CSMD3: variants seen among roughly 807,000 people sequenced by gnomAD.
CSMD3 encodes the protein CUB and sushi domain-containing protein 3.
In CSMD3, 177 loss-of-function variants were observed where a neutral mutation model predicts 435.2. That is an observed-to-expected ratio of 0.41 (90% CI 0.36 to 0.46). The LOEUF (loss-of-function observed/expected upper bound fraction) is 0.46. Ranked by LOEUF, CSMD3 falls within the 20% of genes least tolerant of loss-of-function variation. CSMD3 has a pLI of 0.34. For synonymous variants in CSMD3, 1,656 were observed against 1,520.5 expected, an observed-to-expected ratio of 1.09 and a Z score of -2.07; for missense variants, 4,265 against 4,504.6, an observed-to-expected ratio of 0.95 and a Z score of 1.52.
chr8:112,942,407 G>A (rs1370409310), intron 9 of CSMD3, among the ~76,000 whole-genome samples: 1 of 151,700 alleles, frequency 6.6e-6, no homozygotes, highest in East Asian at 1.9e-4. Flanking sequence ...AAAGGCACAT[G>A]CACAGGTATG....
intron 32 of CSMD3, among the ~76,000 whole-genome samples, chr8:112,438,991 A>G (rs2130479834): frequency 6.6e-6 from 1 of 152,262 alleles, no homozygotes; most frequent in East Asian, 1.9e-4. Context: ...TAATTTTACA[A>G]GCTGTTGAAC....
At chr8:112,272,130 C>T (rs1817582994) in intron 59 of CSMD3, among the ~76,000 whole-genome samples, 1 of 152,296 alleles carries the variant, frequency 6.6e-6, no homozygotes, top group Admixed American at 6.5e-5. Flanking sequence ...GATCTGCTAG[C>T]ACCTTGATCT....
chr8:112,617,488 A>C (rs1428335359), intron 22 of CSMD3, among the ~76,000 whole-genome samples: 1 of 152,146 alleles, frequency 6.6e-6, no homozygotes, highest in East Asian at 1.9e-4. Context: ...AAAAATATTC[A>C]AGCACATTAG....
At chr8:112,699,343 A>G (rs985161609) in intron 13 of CSMD3, among the ~76,000 whole-genome samples, 1 of 152,138 alleles carries the variant, frequency 6.6e-6, no homozygotes, top group African/African-American at 2.4e-5. Flanking sequence ...CACCATCTTT[A>G]AGATCTGTAA....
chr8:113,002,805 C>T (rs1294217622), intron 6 of CSMD3, among the ~76,000 whole-genome samples: 1 of 152,064 alleles, frequency 6.6e-6, no homozygotes, highest in Admixed American at 6.6e-5. Flanking sequence ...TTTTTATCAC[C>T]TGATATCTAA....
At chr8:112,961,904 T>A (rs1417380879) in intron 7 of CSMD3, among the ~76,000 whole-genome samples, 2 of 151,916 alleles carry the variant, frequency 1.3e-5, no homozygotes, top group Non-Finnish European at 2.9e-5. Flanking sequence ...TGCTGTAAAA[T>A]GTCAGGATTA....
At chr8:112,878,105 G>T (rs532818469) in intron 10 of CSMD3, among the ~76,000 whole-genome samples, 2 of 152,220 alleles carry the variant, frequency 1.3e-5, no homozygotes, top group South Asian at 2.1e-4. Context: ...CACAGCAAAA[G>T]AAACTATCAT....
In CSMD3 at chr8:112,943,997, T is replaced by C. The variant is rs1299161044; in HGVS notation, c.1508+3793A>G. On this transcript the variant is annotated intron_variant, in intron 9 of 70. Coordinates refer to ENST00000297405, the MANE Select transcript of CSMD3 (RefSeq NM_198123.2). The stretch of plus-strand genomic sequence containing the variant: ...TTGTAGCTAGGAAGCTCAGTAATGC[T>C]AGGTAGAAATTATAAAACCAAGCAG... 2.0e-5 allele frequency among the ~76,000 whole-genome samples: 3 copies of C among 151,702 alleles called. No individual in the cohort carries two copies. In the Admixed American group the frequency reaches 2.0e-4, roughly 10 times the overall value.
At chr8:112,958,343 T>A (rs968812733) in intron 7 of CSMD3, among the ~76,000 whole-genome samples, 3 of 152,222 alleles carry the variant, frequency 2.0e-5, no homozygotes, top group Admixed American at 2.0e-4. Context: ...TCAGTTTGAC[T>A]GTTTTTTTGT....
At chr8:112,641,884 C>A (rs1200461360) in intron 20 of CSMD3, among the ~76,000 whole-genome samples, 2 of 151,872 alleles carry the variant, frequency 1.3e-5, no homozygotes, top group Non-Finnish European at 2.9e-5. Flanking sequence ...CCTCCTAAAT[C>A]AAAAAGGCAA....
At chr8:112,958,091 G>A (rs2084096290) in intron 7 of CSMD3, among the ~76,000 whole-genome samples, 1 of 150,874 alleles carries the variant, frequency 6.6e-6, no homozygotes, top group Non-Finnish European at 1.5e-5. Context: ...GTATTTTGTT[G>A]GGAGAATTCC....
In CSMD3 at chr8:112,291,592, A is replaced by G; in HGVS notation, c.8892T>C (p.Asn2964=). Residue 2964 remains asparagine (N), a synonymous_variant, in exon 56 of 71, where the codon AAT becomes AAC. Coordinates refer to ENST00000297405, the MANE Select transcript of CSMD3 (RefSeq NM_198123.2). ...AAGATCCAAATAAAAAATATCCAGG[A>G]TTGCAGTCATAGAATACCACAGTGC... ...TYGTVVFYDC[N]PGYFLFGSSV... 1 of 1,611,130 alleles carries G rather than the reference A, an allele frequency of 6.2e-7. No homozygotes were observed. Among genetic ancestry groups the G allele is most frequent in the Non-Finnish European group, 8.5e-7 (1 of 1,177,658 alleles).
At chr8:113,435,598 C>A (rs1031920806) in intron 1 of CSMD3, among the ~76,000 whole-genome samples, 4 of 151,752 alleles carry the variant, frequency 2.6e-5, no homozygotes, top group East Asian at 2.0e-4. Context: ...AAAACAGCAC[C>A]CCCTTTCCCG....
chr8:113,308,236 A>C (rs2093837345), intron 2 of CSMD3, among the ~76,000 whole-genome samples: 1 of 143,626 alleles, frequency 7.0e-6, no homozygotes, highest in South Asian at 2.3e-4. Flanking sequence ...AGTTCTATAA[A>C]TATCCAGTAA....
chr8:113,088,693 C>T (rs1428918455), intron 5 of CSMD3, among the ~76,000 whole-genome samples: 2 of 126,324 alleles, frequency 1.6e-5, no homozygotes, highest in South Asian at 2.6e-4. Context: ...GGGAACATCA[C>T]ACTCTGGGGA....
chr8:112,502,212 G>A (rs1052476428), intron 30 of CSMD3, among the ~76,000 whole-genome samples: 24 of 152,056 alleles, frequency 1.6e-4, no homozygotes, highest in African/African-American at 5.1e-4. Flanking sequence ...AAAGAGTTTC[G>A]AACCCATATT....
intron 12 of CSMD3, among the ~76,000 whole-genome samples, chr8:112,807,354 T>TA (rs1335162743): frequency 6.6e-6 from 1 of 152,172 alleles, no homozygotes; most frequent in African/African-American, 2.4e-5. Context: ...GTACTTGGGA[T>TA]AAAAATGGCC....
chr8:112,273,623 G>A (rs1817736086), intron 59 of CSMD3, among the ~76,000 whole-genome samples: 1 of 151,866 alleles, frequency 6.6e-6, no homozygotes, highest in Non-Finnish European at 1.5e-5. Context: ...CTACTTGGGA[G>A]GCTGAGGCAG....
intron 10 of CSMD3, among the ~76,000 whole-genome samples, chr8:112,886,101 G>A (rs935081690): frequency 6.6e-6 from 1 of 151,226 alleles, no homozygotes; most frequent in Non-Finnish European, 1.5e-5. Context: ...AGGATTCTGT[G>A]GTTTTACTTG....
Sources: allele counts gnomAD v4.1 joint callset (sites outside exome capture counted in the v4.1 genomes callset), GRCh38; gene constraint gnomAD v4.1.1; transcripts MANE v1.5; gene names NCBI Gene and HGNC (gene_info 2026-07-23, HGNC 2026-07-21).